Variants in ZNF793 observed in about 807,000 individuals in gnomAD.
ZNF793 encodes the protein zinc finger protein 793.
Under a neutral mutation model 12.4 loss-of-function variants are expected in ZNF793, and 5 were observed. That is an observed-to-expected ratio of 0.40 (90% CI 0.21 to 0.84). The LOEUF (loss-of-function observed/expected upper bound fraction) is 0.84. ZNF793 is among the 40% of genes least tolerant of loss of function. ZNF793 has a pLI of 0.35. For synonymous variants in ZNF793, 162 were observed against 172.4 expected (o/e 0.94, Z 0.47); for missense variants, 456 against 495.0 (o/e 0.92, Z 0.75).
intron 2 of ZNF793, among the ~76,000 whole-genome samples, chr19:37,509,710 ATAAT>A: frequency 6.6e-6 from 1 of 152,334 alleles, no homozygotes; most frequent in East Asian, 1.9e-4. Flanking sequence ...TTCAGAGCAA[ATAAT>A]TAAAAAGAAA....
At chr19:37,526,685 TG>T (rs1375136868) in intron 5 of ZNF793, among the ~76,000 whole-genome samples, 1 of 152,222 alleles carries the variant, frequency 6.6e-6, no homozygotes, top group Non-Finnish European at 1.5e-5. Flanking sequence ...CTTTTGGTCC[TG>T]CCTTTAGGCC....
chr19:37,537,747 A>C lies in ZNF793; in HGVS notation c.1089A>C (p.Gly363=), dbSNP rs760746034. ...ATAAACATTGGAGAACTCACACAGG[A>C]GAGAAGCCCTATGGGTGCAATGAAT... ...CLNKHWRTHT[G]EKPYGCNECG... Residue 363 remains glycine, a synonymous_variant, in exon 8 of 8, where the codon GGA becomes GGC. Coordinates refer to ENST00000627814, the MANE Select transcript of ZNF793 (RefSeq NM_001013659.3). 6.2e-7 allele frequency: 1 copy of C among 1,614,112 alleles called. No individual in the cohort carries two copies.
chr19:37,536,283 A>G (rs1269613652), intron 7 of ZNF793: 1 of 395,914 alleles, frequency 2.5e-6, no homozygotes, highest in Non-Finnish European at 4.4e-6. Flanking sequence ...TTAAGCTCCA[A>G]GGTGTTTGGA....
chr19:37,525,203 ATCTTGGCTC>A (rs1163883992), intron 5 of ZNF793, among the ~76,000 whole-genome samples: 1 of 151,396 alleles, frequency 6.6e-6, no homozygotes, highest in African/African-American at 2.4e-5. Flanking sequence ...CAGTGGTGCA[ATCTTGGCTC>A]ACTGCCAACT....
intron 2 of ZNF793, among the ~76,000 whole-genome samples, chr19:37,510,606 C>T (rs914929985): frequency 6.6e-6 from 1 of 151,514 alleles, no homozygotes; most frequent in Admixed American, 6.6e-5. Context: ...ATTCCTTGAG[C>T]CCAGGAGTTC....
intron 5 of ZNF793, chr19:37,531,522 A>G (rs2042460759): frequency 6.5e-6 from 1 of 153,488 alleles, no homozygotes; most frequent in African/African-American, 2.4e-5. Flanking sequence ...TCTTGTTACT[A>G]AGTAACTTGC....
At chr19:37,523,851 C>G (rs539285799) in intron 5 of ZNF793, among the ~76,000 whole-genome samples, 5 of 152,054 alleles carry the variant, frequency 3.3e-5, no homozygotes, top group Non-Finnish European at 7.4e-5. Context: ...GGATAATTCT[C>G]AGAAAGGTTT....
At chr19:37,512,875 G>A (rs151121542) in intron 2 of ZNF793, among the ~76,000 whole-genome samples, 284 of 152,010 alleles carry the variant, frequency 1.9e-3, no homozygotes, top group Admixed American at 5.3e-3. Context: ...GTTACATGTT[G>A]TATTTAGTTG....
rs2042550944 is a variant in ZNF793 at position 37,541,401 on chromosome 19, G to A, written c.*3522G>A. 1 of 152,386 alleles carries A rather than the reference G, an allele frequency of 6.6e-6. No individual in the cohort carries two copies. Among genetic ancestry groups the A allele is most frequent in the Non-Finnish European group, 1.5e-5 (1 of 68,162 alleles). The allele number at this position is 152,386 out of a possible 1,614,324, so 9.4% of individuals were successfully genotyped here. On this transcript the variant is annotated 3_prime_UTR_variant, in exon 8 of 8. Transcript: ENST00000627814. Reference sequence around the variant, plus strand: ...ATTTAGAAATAAGCAGTTGAAGGCTGGGTGCAGTGGCTCATGCCTGTAATC... The same window carrying A: ...ATTTAGAAATAAGCAGTTGAAGGCTAGGTGCAGTGGCTCATGCCTGTAATC...
intron 2 of ZNF793, among the ~76,000 whole-genome samples, chr19:37,517,528 G>A (rs2042342380): frequency 1.3e-5 from 2 of 151,924 alleles, no homozygotes; most frequent in South Asian, 2.1e-4. Context: ...CTGTCTCTGA[G>A]AGGCAGCAAG....
intron 7 of ZNF793, chr19:37,533,668 C>A: frequency 2.0e-6 from 1 of 511,732 alleles, no homozygotes; most frequent in Non-Finnish European, 3.5e-6. Context: ...ATAAAAGCTT[C>A]TATGATTCTC....
Position 37,537,438 on chromosome 19 carries a change from T to C in ZNF793, c.780T>C (p.Cys260=), listed in dbSNP as rs533371000. The C allele has an allele frequency of 1.9e-5, 31 of 1,613,688 alleles. No individual in the cohort carries two copies. The South Asian group carries it at 3.1e-4, about 16-fold the overall frequency. Residue 260 remains cysteine (C), a synonymous_variant, in exon 8 of 8, where the codon TGT becomes TGC. Coordinates refer to ENST00000627814, the MANE Select transcript of ZNF793 (RefSeq NM_001013659.3). ...TGEKPYGCTD[C]GKAFSHKSTL... is the part of the protein sequence containing the mutation. ...AGAAGCCTTATGGCTGCACTGACTGTGGGAAAGCCTTTTCACATAAGTCAA... is the reference window on the plus strand; with the variant it reads ...AGAAGCCTTATGGCTGCACTGACTGCGGGAAAGCCTTTTCACATAAGTCAA...
chr19:37,520,430 A>G (rs552781257), intron 3 of ZNF793, 118 bp downstream of exon 3: 2 of 152,430 alleles, frequency 1.3e-5, no homozygotes, highest in Non-Finnish European at 2.9e-5. Flanking sequence ...CTCAGACCCC[A>G]TACCTCTTGT....
Position 37,537,769 on chromosome 19 carries a change from G to T in ZNF793, c.1111G>T (p.Glu371Ter), listed in dbSNP as rs267605454. The T allele has an allele frequency of 2.2e-5, 35 of 1,613,996 alleles. No homozygotes were observed. The highest frequency in any genetic ancestry group is 1.6e-4 in the Middle Eastern group (1 of 6,084). The change falls in exon 8 of 8, where the codon GAA becomes TAA. Residue 371 changes from glutamate to a stop codon, truncating the protein, a stop_gained. Coordinates refer to ENST00000627814, the MANE Select transcript of ZNF793 (RefSeq NM_001013659.3). LOFTEE classifies it low-confidence loss of function (END_TRUNC). Reference protein sequence around the residue: ...HTGEKPYGCNECGKAFYQKPN... With the variant: ...HTGEKPYGCN ...AGGAGAGAAGCCCTATGGGTGCAAT[G>T]AATGTGGGAAAGCTTTCTACCAGAA...
At chr19:37,524,908 T>A (rs923541170) in intron 5 of ZNF793, among the ~76,000 whole-genome samples, 1 of 152,222 alleles carries the variant, frequency 6.6e-6, no homozygotes, top group Non-Finnish European at 1.5e-5. Flanking sequence ...TTTTTTATAT[T>A]GTTTCCCCTT....
chr19:37,515,465 A>G (rs544966023), intron 2 of ZNF793, among the ~76,000 whole-genome samples: 11 of 151,990 alleles, frequency 7.2e-5, no homozygotes, highest in African/African-American at 2.7e-4. Context: ...CCGCCACCCC[A>G]CCCGGCCAAT....
chr19:37,516,898 G>A (rs146582534), intron 2 of ZNF793, among the ~76,000 whole-genome samples: 174 of 151,730 alleles, frequency 1.1e-3, no homozygotes, highest in Middle Eastern at 6.8e-3. Context: ...TGCCCACCTC[G>A]GCCTCCCAAA....
At chr19:37,516,416 G>A (rs997498533) in intron 2 of ZNF793, among the ~76,000 whole-genome samples, 1 of 152,144 alleles carries the variant, frequency 6.6e-6, no homozygotes, top group Non-Finnish European at 1.5e-5. Flanking sequence ...TTACAGGTGT[G>A]AGCCACTGTG....
chr19:37,532,741 C>A (rs898526191), intron 6 of ZNF793, among the ~76,000 whole-genome samples: 5 of 152,056 alleles, frequency 3.3e-5, no homozygotes, highest in African/African-American at 1.2e-4. Context: ...ATTGCTTGAA[C>A]CCGGGAGGCA....
Sources: allele counts gnomAD v4.1 joint callset (sites outside exome capture counted in the v4.1 genomes callset), GRCh38; gene constraint gnomAD v4.1.1; transcripts MANE v1.5; gene names NCBI Gene and HGNC (gene_info 2026-07-23, HGNC 2026-07-21).